DAB2IP: variants seen among roughly 807,000 people sequenced by gnomAD.
DAB2IP encodes DAB2 interacting protein.
In DAB2IP, 28 loss-of-function variants were observed where a neutral mutation model predicts 107.2. The ratio of observed to expected loss-of-function variants is 0.26; its 90% CI spans 0.19 to 0.36. DAB2IP has a LOEUF of 0.36. Among genes scored for constraint, DAB2IP ranks in the 10% least tolerant of loss-of-function variants. The probability of loss-of-function intolerance (pLI) is 1.00; values close to 1 mark genes in which losing one functional copy is unlikely to be tolerated. For synonymous variants in DAB2IP, 755 were observed against 706.4 expected, an observed-to-expected ratio of 1.07 and a Z score of -1.09; for missense variants, 1,400 against 1,644.7, an observed-to-expected ratio of 0.85 and a Z score of 2.57.
chr9:121,648,108 G>A (rs1484916500), upstream of DAB2IP, among the ~76,000 whole-genome samples: 3 of 152,030 alleles, frequency 2.0e-5, no homozygotes, highest in Non-Finnish European at 4.4e-5. Flanking sequence ...GGGAACGGGT[G>A]GAAAGGGGGT....
intron 1 of DAB2IP, among the ~76,000 whole-genome samples, 187 bp downstream of exon 1, chr9:121,652,086 G>A (rs1360554306): frequency 2.0e-5 from 3 of 152,138 alleles, no homozygotes; most frequent in African/African-American, 7.2e-5. Context: ...CTCGCCGGGG[G>A]AAGCCGAGGC....
intron 2 of DAB2IP, among the ~76,000 whole-genome samples, chr9:121,680,927 G>T (rs1046704006): frequency 4.6e-5 from 7 of 151,882 alleles, no homozygotes; most frequent in African/African-American, 1.7e-4. Context: ...ATTTTTAGTA[G>T]AGACGGGGTT....
At chr9:121,734,036 C>G (rs981019590) in intron 3 of DAB2IP, among the ~76,000 whole-genome samples, 9 of 152,320 alleles carry the variant, frequency 5.9e-5, no homozygotes, top group Admixed American at 5.9e-4. Context: ...CCCAGCTACA[C>G]GTGGCCAAGA....
chr9:121,637,575 A>T (rs1832132970), intron 1 of DAB2IP, among the ~76,000 whole-genome samples: 1 of 152,098 alleles, frequency 6.6e-6, no homozygotes, highest in Non-Finnish European at 1.5e-5. Flanking sequence ...TGTTGGAGGA[A>T]GGGAGGGGAG....
rs555893390 is a variant in DAB2IP, at chr9:121,599,953, A to T, written c.40+32725A>T. ...CCCTACAGTCCCCTCTCCCGCAAGGAAATCTGCGCGATGCATTGAGCCTTT... is the reference window on the plus strand; with the variant it reads ...CCCTACAGTCCCCTCTCCCGCAAGGTAATCTGCGCGATGCATTGAGCCTTT... On this transcript the variant is annotated intron_variant, in intron 1 of 16. Coordinates refer to the DAB2IP transcript ENST00000259371. This position sits in a 1 kb window ranked among gnomAD's most constrained non-coding sequence, Gnocchi z 6.9. Among the ~76,000 whole-genome samples, 2 of 152,082 alleles carry T rather than the reference A, an allele frequency of 1.3e-5. No individual in the cohort carries two copies. Among genetic ancestry groups the T allele is most frequent in the Non-Finnish European group, 2.9e-5 (2 of 68,004 alleles).
rs1341372153 is a variant in DAB2IP, at chr9:121,633,358, G to A, written c.41-45320G>A. Among the ~76,000 whole-genome samples, 3 of 152,064 alleles carry A rather than the reference G, an allele frequency of 2.0e-5. No homozygotes were observed. ...CTTGTTCTCTCTTGTCAGAGCCAGG[G>A]GTTGTGTCTTTGCCCACTGACCCCA... On this transcript the variant is annotated intron_variant, in intron 1 of 16. Coordinates refer to the DAB2IP transcript ENST00000259371. This position sits in a 1 kb window ranked among gnomAD's most constrained non-coding sequence, Gnocchi z 5.1.
chr9:121,609,297 T>C (rs929289849), intron 1 of DAB2IP, among the ~76,000 whole-genome samples: 11 of 152,320 alleles, frequency 7.2e-5, no homozygotes, highest in Middle Eastern at 3.4e-3. Flanking sequence ...GTCTTCCCCA[T>C]GGTGGGAGGA....
At chr9:121,762,883 G>A (rs1395306147) in intron 6 of DAB2IP, among the ~76,000 whole-genome samples, 1 of 152,204 alleles carries the variant, frequency 6.6e-6, no homozygotes, top group Non-Finnish European at 1.5e-5. Context: ...GACCTGATGG[G>A]CCTGGGGCTG....
At position 121,782,267 on chromosome 9, in the gene DAB2IP, G is replaced by T; in HGVS notation, c.3403-64G>T. 1 of 1,548,878 alleles carries T rather than the reference G, an allele frequency of 6.5e-7. No homozygotes were observed. Among genetic ancestry groups the T allele is most frequent in the Non-Finnish European group, 8.8e-7 (1 of 1,140,878 alleles). On this transcript the variant is annotated intron_variant, in intron 15 of 15. Transcript: ENST00000408936. This position sits in a 1 kb window ranked among gnomAD's most constrained non-coding sequence, Gnocchi z 6.1. ...GCCACCCCCTTCCCCGATGCTTGTC[G>T]TAGGTATACACAGCCCTAAGGAGCC... is the stretch of plus-strand genomic sequence containing the variant.
intron 1 of DAB2IP, among the ~76,000 whole-genome samples, chr9:121,627,622 T>G (rs1369617967): frequency 1.3e-5 from 2 of 151,968 alleles, no homozygotes; most frequent in East Asian, 3.8e-4. Flanking sequence ...GATCTTCCTG[T>G]GTATGAAGAG....
At chr9:121,656,767 A>G (rs766293213) in intron 1 of DAB2IP, among the ~76,000 whole-genome samples, 4 of 152,236 alleles carry the variant, frequency 2.6e-5, no homozygotes, top group African/African-American at 4.8e-5. Context: ...TGAGATGGAT[A>G]CTGATACTAT....
chr9:121,586,620 C>A (rs961237409), intron 1 of DAB2IP, among the ~76,000 whole-genome samples: 4 of 151,996 alleles, frequency 2.6e-5, no homozygotes, highest in Non-Finnish European at 4.4e-5. Flanking sequence ...GAGTTCGAGA[C>A]CAGCTTGGGC....
chr9:121,642,958 T>A (rs1271952601), intron 1 of DAB2IP, among the ~76,000 whole-genome samples: 1 of 150,104 alleles, frequency 6.7e-6, no homozygotes, highest in African/African-American at 2.4e-5. Context: ...GAGCTGTCCA[T>A]CTGAAGATCT....
At chr9:121,600,446 T>A (rs987984815) in intron 1 of DAB2IP, among the ~76,000 whole-genome samples, 2 of 152,166 alleles carry the variant, frequency 1.3e-5, no homozygotes, top group African/African-American at 4.8e-5. Context: ...GTGCTCAGCC[T>A]GGTGGGAATG....
At chr9:121,572,185 T>C (rs1829960119) in intron 1 of DAB2IP, among the ~76,000 whole-genome samples, 1 of 152,124 alleles carries the variant, frequency 6.6e-6, no homozygotes, top group Non-Finnish European at 1.5e-5. Context: ...GGAGTCCTGC[T>C]ATTTCTCCAC....
At chr9:121,606,325 C>T (rs959139155) in intron 1 of DAB2IP, among the ~76,000 whole-genome samples, 5 of 152,164 alleles carry the variant, frequency 3.3e-5, no homozygotes, top group African/African-American at 1.2e-4. Context: ...GATGGCACCA[C>T]TGCACTCCAG....
chr9:121,622,908 G>A (rs568313005), intron 1 of DAB2IP, among the ~76,000 whole-genome samples: 1 of 152,152 alleles, frequency 6.6e-6, no homozygotes, highest in Non-Finnish European at 1.5e-5. Context: ...GGGCCACTGG[G>A]CTTTGACTTA....
At position 121,699,399 on chromosome 9, in the gene DAB2IP, C is replaced by A; in HGVS notation, c.303C>A (p.Ser101Arg). 6.8e-7 allele frequency: 1 copy of A among 1,478,524 alleles called. No individual in the cohort carries two copies. The highest frequency in any genetic ancestry group is 1.3e-5 in the South Asian group (1 of 78,752). The allele number at this position is 1,478,524 out of a possible 1,614,324, so 91.6% of individuals were successfully genotyped here. ...AGCCCAAGCTGGACCGCAACCACAG[C>A]TTCCGCCACATCCTGCCGGGGTTCC... is the stretch of plus-strand genomic sequence containing the variant. The change falls in exon 3 of 16, where the codon AGC becomes AGA. Residue 101 changes from serine to arginine, a missense_variant. Coordinates refer to ENST00000408936, the Ensembl canonical transcript of DAB2IP. The surrounding 1 kb of genome is among the most constrained non-coding windows in gnomAD (Gnocchi z 6.2).
At chr9:121,672,410 G>A (rs1371791812) in intron 1 of DAB2IP, among the ~76,000 whole-genome samples, 1 of 152,232 alleles carries the variant, frequency 6.6e-6, no homozygotes, top group Non-Finnish European at 1.5e-5. Flanking sequence ...AGGCCGCCGT[G>A]TTTCCATGGG....
Sources: gnomAD v4.1 joint callset for allele counts (sites outside exome capture counted in the v4.1 genomes callset) on GRCh38, gnomAD v4.1.1 for gene constraint, Gnocchi (gnomAD v3.1) non-coding constraint, MANE v1.5 for transcripts, NCBI Gene and HGNC (gene_info 2026-07-23, HGNC 2026-07-21) for gene names.